Variants in OTOGL observed in about 807,000 individuals in gnomAD.
OTOGL encodes the protein otogelin like.
OTOGL carries 285 observed loss-of-function variants against 318.5 expected under a neutral mutation model. That is an observed-to-expected ratio of 0.89 (90% CI 0.81 to 0.99). The LOEUF (loss-of-function observed/expected upper bound fraction) is 0.99. Ranked by LOEUF, OTOGL falls within the 50% of genes least tolerant of loss-of-function variation. The pLI is 0.00. For missense variants in OTOGL, 2,899 were observed against 2,845.6 expected (o/e 1.02, Z -0.43); for synonymous variants, 987 against 936.5 (o/e 1.05, Z -0.99).
intron 44 of OTOGL, among the ~76,000 whole-genome samples, chr12:80,346,618 T>C (rs1420823638): frequency 2.0e-5 from 3 of 152,206 alleles, no homozygotes; most frequent in African/African-American, 7.2e-5. Flanking sequence ...AAAAAACCAT[T>C]TAAAAATTGC....
Position 80,228,502 on chromosome 12 carries a change from C to CA in OTOGL, c.490-749dup, listed in dbSNP as rs546423148. 1.4e-3 allele frequency among the ~76,000 whole-genome samples: 214 copies of CA among 151,966 alleles called. 1 individual carries two copies. The highest frequency in any genetic ancestry group is 4.9e-3 in the African/African-American group (205 of 41,484). ...AACCCCAAAACAAAACCAAACCAAA[C>CA]AAAAAACCCGTATATTATTGACAAT... On this transcript the variant is annotated intron_variant, in intron 7 of 58. Coordinates refer to ENST00000547103, the MANE Select transcript of OTOGL (RefSeq NM_001378609.3).
chr12:80,350,213 T>C (rs767600476), intron 44 of OTOGL, among the ~76,000 whole-genome samples: 4 of 152,240 alleles, frequency 2.6e-5, no homozygotes, highest in Non-Finnish European at 5.9e-5. Flanking sequence ...GGTTCATTCA[T>C]GTTGTCACAA....
chr12:80,301,309 C>T (rs532561171), intron 27 of OTOGL, among the ~76,000 whole-genome samples: 1 of 152,216 alleles, frequency 6.6e-6, no homozygotes, highest in African/African-American at 2.4e-5. Flanking sequence ...TTGTATATTC[C>T]TACTTTACAA....
At chr12:80,163,541 G>A (rs907257367) in intron 1 of OTOGL, among the ~76,000 whole-genome samples, 34 of 151,982 alleles carry the variant, frequency 2.2e-4, no homozygotes, top group African/African-American at 8.0e-4. Flanking sequence ...TGAAATCAGA[G>A]TTTTTATTGC....
At chr12:80,143,955 A>C (rs917703538) in intron 1 of OTOGL, among the ~76,000 whole-genome samples, 9 of 152,064 alleles carry the variant, frequency 5.9e-5, no homozygotes, top group Admixed American at 5.2e-4. Flanking sequence ...ACTAATTTAC[A>C]CTCAGAAAAT....
chr12:80,249,520 G>A (rs1458536819), intron 11 of OTOGL, among the ~76,000 whole-genome samples: 24 of 151,822 alleles, frequency 1.6e-4, no homozygotes, highest in South Asian at 4.2e-4. Flanking sequence ...CAGTCTGCCT[G>A]TTCTCAGATC....
intron 35 of OTOGL, among the ~76,000 whole-genome samples, chr12:80,324,433 G>T (rs1887550496): frequency 6.6e-6 from 1 of 152,176 alleles, no homozygotes; most frequent in Non-Finnish European, 1.5e-5. Flanking sequence ...GAGCAAAATG[G>T]AGAGAAGTGG....
intron 29 of OTOGL, among the ~76,000 whole-genome samples, chr12:80,306,697 T>C (rs1886126643): frequency 6.6e-6 from 1 of 152,052 alleles, no homozygotes; most frequent in Non-Finnish European, 1.5e-5. Context: ...ATCTTACATC[T>C]TGTTACCTTT....
chr12:80,183,007 T>G (rs944592909), intron 1 of OTOGL, among the ~76,000 whole-genome samples: 1 of 152,220 alleles, frequency 6.6e-6, no homozygotes, highest in African/African-American at 2.4e-5. Flanking sequence ...TTTTACTTCA[T>G]TTTTTGGAAA....
chr12:80,254,504 A>G lies in OTOGL; in HGVS notation c.1395-20A>G, dbSNP rs1438438443. 1.9e-6 allele frequency: 3 copies of G among 1,590,646 alleles called. No individual in the cohort carries two copies. The highest frequency in any genetic ancestry group is 2.6e-6 in the Non-Finnish European group (3 of 1,163,266). On this transcript the variant is annotated intron_variant, in intron 14 of 58. Coordinates refer to ENST00000547103, the MANE Select transcript of OTOGL (RefSeq NM_001378609.3). ...AGTTTCTCTATGCCAATAGATTAAT[A>G]TTTTTATAATTTCTTTTAGTGTGTG...
At chr12:80,114,875 C>T (rs577363756) in intron 1 of OTOGL, among the ~76,000 whole-genome samples, 1 of 151,450 alleles carries the variant, frequency 6.6e-6, no homozygotes, top group South Asian at 2.1e-4. Context: ...GATCTTCAAT[C>T]TCTTATATCC....
intron 11 of OTOGL, among the ~76,000 whole-genome samples, chr12:80,240,488 T>A (rs1880279951): frequency 6.6e-6 from 1 of 152,170 alleles, no homozygotes; most frequent in South Asian, 2.1e-4. Flanking sequence ...TTCTGATATA[T>A]ATGCTTTTAA....
chr12:80,150,726 C>A lies in OTOGL; in HGVS notation c.-20+51121C>A, dbSNP rs1015524543. Among the ~76,000 whole-genome samples the A allele has an allele frequency of 2.6e-5, 4 of 152,280 alleles. No homozygotes were observed. The East Asian group carries it at 7.7e-4, about 29-fold the overall frequency. The stretch of plus-strand genomic sequence containing the variant: ...GACTGAAGGGCAAGAGCCCTTTCCC[C>A]AGGAAGATGTATCCACCCATAACTG... On this transcript the variant is annotated intron_variant, in intron 1 of 58. Coordinates refer to ENST00000547103, the MANE Select transcript of OTOGL (RefSeq NM_001378609.3).
Position 80,266,612 on chromosome 12 carries a change from C to G in OTOGL, c.2386C>G (p.Pro796Ala). ...TGAAGACACTCTTAACTTTTGTGTA[C>G]CCATGTAAGTCGTAGAAACAGGTTG... ...FYEDTLNFCVPIFHCRCHYRG... is the reference protein window; with the variant it reads ...FYEDTLNFCVAIFHCRCHYRG... Residue 796 changes from proline (P) to alanine (A), a missense_variant, in exon 21 of 59, where the codon CCC (proline) becomes GCC (alanine). Physicochemically the swap from Pro to Ala is conservative, Grantham distance 27. This residue lies in a region of OTOGL where 2,607 missense variants were observed against 2,524.9 expected (regional missense o/e 1.03). Coordinates refer to ENST00000547103, the MANE Select transcript of OTOGL (RefSeq NM_001378609.3). The G allele has an allele frequency of 6.2e-7, 1 of 1,612,668 alleles. No individual in the cohort carries two copies. The highest frequency in any genetic ancestry group is 8.5e-7 in the Non-Finnish European group (1 of 1,179,180).
rs1335375183 is a variant in OTOGL, at chr12:80,335,498, A to G, written c.4423-465A>G. ...TGTGAGTTACATATAAAATTAATTTATGATTATACACTCTAGGTGCTGTGA... is the reference window on the plus strand; with the variant it reads ...TGTGAGTTACATATAAAATTAATTTGTGATTATACACTCTAGGTGCTGTGA... On this transcript the variant is annotated intron_variant, in intron 38 of 58. Transcript: ENST00000547103. Among the ~76,000 whole-genome samples, 6 of 152,120 alleles carry G rather than the reference A, an allele frequency of 3.9e-5. 1 individual carries two copies. Among genetic ancestry groups the G allele is most frequent in the Admixed American group, 3.3e-4 (5 of 15,246 alleles).
intron 11 of OTOGL, among the ~76,000 whole-genome samples, chr12:80,246,024 C>T (rs1397112224): frequency 2.3e-4 from 34 of 150,056 alleles, no homozygotes; most frequent in African/African-American, 8.2e-4. Flanking sequence ...TATCCTGAGA[C>T]TTTGCTGAAG....
At chr12:80,222,062 C>T in intron 6 of OTOGL, 29 bp from the exon 7 acceptor site, 1 of 1,570,086 alleles carries the variant, frequency 6.4e-7, no homozygotes, top group Non-Finnish European at 8.6e-7. Context: ...TTTATTTTGC[C>T]TACAAAATAT....
At chr12:80,150,386 A>G (rs948449153) in intron 1 of OTOGL, among the ~76,000 whole-genome samples, 2 of 152,252 alleles carry the variant, frequency 1.3e-5, no homozygotes, top group Non-Finnish European at 1.5e-5. Context: ...GCTGTTCAAA[A>G]GAAACTTCCA....
chr12:80,211,516 C>T (rs1877254494), intron 3 of OTOGL, among the ~76,000 whole-genome samples: 1 of 152,110 alleles, frequency 6.6e-6, no homozygotes, highest in Admixed American at 6.6e-5. Context: ...TTTTTACTTA[C>T]ATTAATGTTA....
Sources: gnomAD v4.1 joint callset for allele counts (sites outside exome capture counted in the v4.1 genomes callset) on GRCh38, gnomAD v4.1.1 for gene constraint, gnomAD v4.1.1 regional missense constraint, MANE v1.5 for transcripts, NCBI Gene and HGNC (gene_info 2026-07-23, HGNC 2026-07-21) for gene names.